C14orf39: variants seen among roughly 807,000 people sequenced by gnomAD.
C14orf39 encodes the protein protein SIX6OS1.
A neutral mutation model predicts 85.6 loss-of-function variants in C14orf39; 66 were observed. The ratio of observed to expected loss-of-function variants is 0.77; its 90% CI spans 0.63 to 0.95. The LOEUF (loss-of-function observed/expected upper bound fraction) is 0.95. C14orf39 is among the 40% of genes least tolerant of loss of function. C14orf39 has a pLI of 0.00. For synonymous variants in C14orf39, 242 were observed against 214.0 expected (o/e 1.13, Z -1.14); for missense variants, 735 against 663.9 (o/e 1.11, Z -1.18).
Position 60,465,961 on chromosome 14 carries a change from T to C in C14orf39, c.972+18A>G, listed in dbSNP as rs767266260. The C allele has an allele frequency of 6.9e-7, 1 of 1,449,716 alleles. No individual in the cohort carries two copies. Among genetic ancestry groups the C allele is most frequent in the Non-Finnish European group, 9.3e-7 (1 of 1,071,984 alleles). The allele number at this position is 1,449,716 out of a possible 1,614,324, so 89.8% of individuals were successfully genotyped here. On this transcript the variant is annotated intron_variant, in intron 11 of 17. Coordinates refer to ENST00000321731, the MANE Select transcript of C14orf39 (RefSeq NM_174978.3). ...CAAGCAGGTATTTAATTTATACTAC[T>C]AAAAGTGAGACACCTACCTGTGTAT... is the stretch of plus-strand genomic sequence containing the variant.
At chr14:60,479,856 C>G (rs1419658163) in intron 4 of C14orf39, among the ~76,000 whole-genome samples, 1 of 152,150 alleles carries the variant, frequency 6.6e-6, no homozygotes, top group Non-Finnish European at 1.5e-5. Context: ...TACCAAAACT[C>G]ATTTAACCAG....
At chr14:60,509,573 A>G in intron 1 of C14orf39, 5 of 1,612,794 alleles carry the variant, frequency 3.1e-6, no homozygotes, top group Non-Finnish European at 4.2e-6. Context: ...CGCACGAGCC[A>G]TCGTGGCCTT....
intron 11 of C14orf39, among the ~76,000 whole-genome samples, chr14:60,463,978 T>TA (rs1891658137): frequency 6.6e-6 from 1 of 152,112 alleles, no homozygotes; most frequent in Non-Finnish European, 1.5e-5. Flanking sequence ...TGTTCTACTT[T>TA]AAAAAACAAA....
intron 8 of C14orf39, 88 bp from the exon 9 acceptor site, chr14:60,468,624 AATC>A: frequency 1.5e-6 from 1 of 653,948 alleles, no homozygotes; most frequent in East Asian, 3.1e-5. Context: ...TTTTCTATAT[AATC>A]ATAAGATTCA....
At chr14:60,460,464 T>C (rs1891468521) in intron 13 of C14orf39, among the ~76,000 whole-genome samples, 1 of 151,878 alleles carries the variant, frequency 6.6e-6, no homozygotes, top group South Asian at 2.1e-4. Flanking sequence ...ACATTCTAAA[T>C]ATATATCTAT....
At chr14:60,481,692 G>T (rs1439578252) in intron 4 of C14orf39, among the ~76,000 whole-genome samples, 1 of 152,038 alleles carries the variant, frequency 6.6e-6, no homozygotes, top group Non-Finnish European at 1.5e-5. Flanking sequence ...CTTTAATTTA[G>T]ATATTTCTGA....
chr14:60,507,891 T>C (rs1033200651), intron 1 of C14orf39, among the ~76,000 whole-genome samples: 2 of 152,164 alleles, frequency 1.3e-5, no homozygotes, highest in Admixed American at 6.5e-5. Context: ...CTACCAGTTA[T>C]TTTCTTCAAA....
intron 11 of C14orf39, among the ~76,000 whole-genome samples, chr14:60,464,850 C>T (rs766410563): frequency 4.4e-4 from 67 of 151,906 alleles, no homozygotes; most frequent in Non-Finnish European, 8.8e-4. Flanking sequence ...CTAATTTGTT[C>T]AGAACTATTT....
intron 16 of C14orf39, among the ~76,000 whole-genome samples, chr14:60,443,650 A>T (rs1000610650): frequency 1.3e-5 from 2 of 152,238 alleles, no homozygotes; most frequent in Non-Finnish European, 2.9e-5. Flanking sequence ...TCCCTGTCTG[A>T]CAGCTCTGAA....
intron 1 of C14orf39, chr14:60,509,325 C>A: frequency 7.6e-7 from 1 of 1,312,440 alleles, no homozygotes; most frequent in Non-Finnish European, 1.1e-6. Flanking sequence ...CTGGCACACT[C>A]AGCCAGGCCC....
At chr14:60,445,934 A>T (rs995563091) in intron 16 of C14orf39, among the ~76,000 whole-genome samples, 6 of 152,234 alleles carry the variant, frequency 3.9e-5, no homozygotes, top group African/African-American at 1.4e-4. Context: ...AACTACATGG[A>T]AACTGAACAA....
chr14:60,458,083 G>A (rs1891358295), intron 14 of C14orf39, among the ~76,000 whole-genome samples: 1 of 151,714 alleles, frequency 6.6e-6, no homozygotes, highest in African/African-American at 2.4e-5. Context: ...AGTGTACTTG[G>A]GATATCCATC....
chr14:60,463,832 G>A (rs1891651238), intron 11 of C14orf39, among the ~76,000 whole-genome samples: 1 of 152,088 alleles, frequency 6.6e-6, no homozygotes, highest in Admixed American at 6.6e-5. Context: ...ACTGTATTCT[G>A]TGTATGTTGG....
At chr14:60,450,853 C>T (rs1890998142) in intron 16 of C14orf39, among the ~76,000 whole-genome samples, 2 of 152,168 alleles carry the variant, frequency 1.3e-5, no homozygotes, top group African/African-American at 2.4e-5. Flanking sequence ...CAAGTCTCTG[C>T]CTGGTAATCT....
chr14:60,489,954 T>C (rs1157066158), upstream of C14orf39, among the ~76,000 whole-genome samples: 1 of 152,222 alleles, frequency 6.6e-6, no homozygotes, highest in Non-Finnish European at 1.5e-5. Context: ...AATGACCTCA[T>C]GACACTGAAT....
chr14:60,436,264 T>A lies in C14orf39; in HGVS notation c.*581A>T, dbSNP rs1890245540. 1 of 152,150 alleles carries A rather than the reference T, an allele frequency of 6.6e-6. No homozygotes were observed. The highest frequency in any genetic ancestry group is 1.9e-4 in the East Asian group (1 of 5,202). 9.4% of individuals were successfully genotyped at this position (152,150 alleles called of 1,614,324 possible). A position where few individuals can be genotyped will look rare whatever the true frequency, so the allele number is the denominator to read the frequency against. On this transcript the variant is annotated 3_prime_UTR_variant, in exon 18 of 18. Coordinates refer to ENST00000321731, the MANE Select transcript of C14orf39 (RefSeq NM_174978.3). The stretch of plus-strand genomic sequence containing the variant: ...CCCTTTACATTTAATTTTTAGCCAT[T>A]GAAAGCATTAGCATAACTCATAAAA...
chr14:60,439,160 C>T (rs912835080), intron 17 of C14orf39, among the ~76,000 whole-genome samples: 5 of 152,144 alleles, frequency 3.3e-5, no homozygotes, highest in African/African-American at 1.2e-4. Flanking sequence ...CAAAATATCA[C>T]ATGGACCCCA....
chr14:60,469,599 G>T lies in C14orf39; in HGVS notation c.609C>A (p.Thr203=). Residue 203 remains threonine (T), a synonymous_variant, in exon 8 of 18, where the codon ACC becomes ACA. Transcript: ENST00000321731. ...CTTTCTTCAATTCGGATGAACTTTTGGTAAGATTGCTGGCATGTTTAAGAA... is the reference window on the plus strand; with the variant it reads ...CTTTCTTCAATTCGGATGAACTTTTTGTAAGATTGCTGGCATGTTTAAGAA... ...QDILKHASNL[T]KSSSELKKEV... The T allele has an allele frequency of 1.3e-6, 2 of 1,517,212 alleles. No individual in the cohort carries two copies. Among genetic ancestry groups the T allele is most frequent in the Non-Finnish European group, 1.8e-6 (2 of 1,124,694 alleles). The allele number at this position is 1,517,212 out of a possible 1,614,324, so 94.0% of individuals were successfully genotyped here. A position where few individuals can be genotyped will look rare whatever the true frequency, so the allele number is the denominator to read the frequency against.
intron 5 of C14orf39, among the ~76,000 whole-genome samples, chr14:60,477,696 G>A (rs1341252507): frequency 6.6e-6 from 1 of 152,082 alleles, no homozygotes; most frequent in African/African-American, 2.4e-5. Flanking sequence ...ACTATTCCCC[G>A]AGATGTTTGC....
Sources: allele counts gnomAD v4.1 joint callset (sites outside exome capture counted in the v4.1 genomes callset), GRCh38; gene constraint gnomAD v4.1.1; transcripts MANE v1.5; gene names NCBI Gene and HGNC (gene_info 2026-07-23, HGNC 2026-07-21).